VWC2: variants seen among roughly 807,000 people sequenced by gnomAD.
VWC2 encodes brorin.
In VWC2, 14 loss-of-function variants were observed where a neutral mutation model predicts 29.8. That is an observed-to-expected ratio of 0.47 (90% CI 0.31 to 0.74). VWC2 has a LOEUF of 0.74. Ranked by LOEUF, VWC2 falls within the 30% of genes least tolerant of loss-of-function variation. The pLI is 0.05. For missense variants in VWC2, 457 were observed against 459.8 expected (o/e 0.99, Z 0.05); for synonymous variants, 213 against 199.0 (o/e 1.07, Z -0.59).
chr7:49,795,002 T>A (rs1788552846), intron 2 of VWC2, among the ~76,000 whole-genome samples: 1 of 152,210 alleles, frequency 6.6e-6, no homozygotes, highest in African/African-American at 2.4e-5. Context: ...CTTCCATATA[T>A]TTATGTCTCA....
chr7:49,920,088 G>A lies in VWC2; in HGVS notation c.*7903G>A, dbSNP rs1793952437. The A allele has an allele frequency of 6.6e-6, 1 of 151,912 alleles. No homozygotes were observed. The highest frequency in any genetic ancestry group is 2.4e-5 in the African/African-American group (1 of 41,360). 9.4% of individuals were successfully genotyped at this position (151,912 alleles called of 1,614,324 possible). On this transcript the variant is annotated 3_prime_UTR_variant, in exon 4 of 4. Transcript: ENST00000340652. ...ACCTACATTTCAGAGGACAAATCAT[G>A]TTATTATAATAACCAGGAGAGAAAA...
At chr7:49,901,197 A>G (rs888449078) in intron 3 of VWC2, 1 of 151,972 alleles carries the variant, frequency 6.6e-6, no homozygotes, top group African/African-American at 2.4e-5. Context: ...TTTCAACATC[A>G]TAGTGGAAGT....
intron 3 of VWC2, among the ~76,000 whole-genome samples, chr7:49,895,387 T>A (rs1792333632): frequency 6.6e-6 from 1 of 152,174 alleles, no homozygotes. Context: ...AATATTCAGA[T>A]CACAGCATTG....
At chr7:49,902,245 G>A (rs1792792430) in intron 3 of VWC2, among the ~76,000 whole-genome samples, 1 of 151,458 alleles carries the variant, frequency 6.6e-6, no homozygotes, top group Non-Finnish European at 1.5e-5. Flanking sequence ...AAGAATGAAA[G>A]GCAAACCACA....
intron 3 of VWC2, among the ~76,000 whole-genome samples, chr7:49,853,728 A>G (rs560857103): frequency 6.6e-6 from 1 of 151,726 alleles, no homozygotes; most frequent in Non-Finnish European, 1.5e-5. Flanking sequence ...TTATTTTTTT[A>G]TTATACTTTA....
chr7:49,831,990 G>A lies in VWC2; in HGVS notation c.826+29150G>A, dbSNP rs758244315. Among the ~76,000 whole-genome samples the A allele has an allele frequency of 3.9e-4, 60 of 152,266 alleles. No homozygotes were observed. In the Middle Eastern group the frequency reaches 0.01, roughly 26 times the overall value. On this transcript the variant is annotated intron_variant, in intron 3 of 3. Coordinates refer to ENST00000340652, the MANE Select transcript of VWC2 (RefSeq NM_198570.5). ...GTAGACAGATAATATTTTCCCTGAGGCCAGCCTGTTCTCAGGAGGGGCATC... is the reference window on the plus strand; with the variant it reads ...GTAGACAGATAATATTTTCCCTGAGACCAGCCTGTTCTCAGGAGGGGCATC...
rs1788033329 is a variant in VWC2, at chr7:49,775,603, G to T, written c.168G>T (p.Pro56=). The T allele has an allele frequency of 2.6e-6, 4 of 1,533,654 alleles. No individual in the cohort carries two copies. Among genetic ancestry groups the T allele is most frequent in the East Asian group, 2.5e-5 (1 of 39,734 alleles). ...EKREHASRDG[P]GRVNELGRPA... ...GTGAGCACGCCTCTCGGGACGGCCC[G>T]GGGCGGGTGAACGAGCTCGGGCGCC... Residue 56 remains proline (P), a synonymous_variant, in exon 2 of 4, where the codon CCG becomes CCT. Coordinates refer to ENST00000340652, the MANE Select transcript of VWC2 (RefSeq NM_198570.5).
At chr7:49,788,904 G>A (rs1423786303) in intron 2 of VWC2, among the ~76,000 whole-genome samples, 3 of 149,716 alleles carry the variant, frequency 2.0e-5, no homozygotes, top group African/African-American at 4.9e-5. Flanking sequence ...GTGAGTGTGG[G>A]TGTGAGAGTG....
intron 3 of VWC2, among the ~76,000 whole-genome samples, chr7:49,905,687 C>A (rs1463166456): frequency 6.6e-6 from 1 of 152,090 alleles, no homozygotes; most frequent in Non-Finnish European, 1.5e-5. Context: ...TGAATAGGGG[C>A]TGGGTAAAAT....
chr7:49,856,363 A>G (rs1562734501), intron 3 of VWC2, among the ~76,000 whole-genome samples: 1 of 152,124 alleles, frequency 6.6e-6, no homozygotes, highest in Non-Finnish European at 1.5e-5. Flanking sequence ...CCCTCTTTCA[A>G]CGTGATATAC....
intron 3 of VWC2, among the ~76,000 whole-genome samples, chr7:49,901,520 G>A (rs188224338): frequency 3.5e-4 from 53 of 151,824 alleles, no homozygotes; most frequent in African/African-American, 1.2e-3. Flanking sequence ...AGATCTATAT[G>A]AGGAAAAATA....
intron 3 of VWC2, among the ~76,000 whole-genome samples, chr7:49,877,861 C>T (rs1466824375): frequency 2.0e-5 from 3 of 152,034 alleles, no homozygotes; most frequent in African/African-American, 7.2e-5. Flanking sequence ...TGTTAAGCAA[C>T]TGCCACTTTG....
At chr7:49,832,063 G>A (rs946819273) in intron 3 of VWC2, among the ~76,000 whole-genome samples, 8 of 152,296 alleles carry the variant, frequency 5.3e-5, no homozygotes, top group Middle Eastern at 3.4e-3. Flanking sequence ...CAAGCATTTT[G>A]TTCAGTTGAT....
intron 2 of VWC2, among the ~76,000 whole-genome samples, chr7:49,797,149 A>C (rs1349032980): frequency 6.6e-6 from 1 of 152,250 alleles, no homozygotes; most frequent in Non-Finnish European, 1.5e-5. Flanking sequence ...TAATATCTTT[A>C]TAAAGCCTCT....
chr7:49,863,134 A>G (rs1484521780), intron 3 of VWC2, among the ~76,000 whole-genome samples: 2 of 152,182 alleles, frequency 1.3e-5, no homozygotes, highest in Non-Finnish European at 1.5e-5. Flanking sequence ...TACTGATTCA[A>G]TATCTTCACT....
chr7:49,815,176 G>T (rs1036861511), intron 3 of VWC2, among the ~76,000 whole-genome samples: 2 of 152,160 alleles, frequency 1.3e-5, no homozygotes, highest in African/African-American at 4.8e-5. Context: ...TCAAGCAATG[G>T]TGCCTGCCTT....
Position 49,846,969 on chromosome 7 carries a change from T to G in VWC2, c.826+44129T>G, listed in dbSNP as rs10258934. On this transcript the variant is annotated intron_variant, in intron 3 of 3. Coordinates refer to ENST00000340652, the MANE Select transcript of VWC2 (RefSeq NM_198570.5). ...TTGACAGATTGCATATGTGAATTAT[T>G]CAGTGTGAGGCTGTAAATTTCCTAC... Among the ~76,000 whole-genome samples, 753 of 152,326 alleles carry G rather than the reference T, an allele frequency of 4.9e-3. 7 individuals carry two copies. Among genetic ancestry groups the G allele is most frequent in the African/African-American group, 0.017 (715 of 41,574 alleles).
intron 3 of VWC2, among the ~76,000 whole-genome samples, chr7:49,824,591 C>T (rs1276404899): frequency 6.6e-6 from 1 of 151,988 alleles, no homozygotes; most frequent in African/African-American, 2.4e-5. Flanking sequence ...CTACAAAAAC[C>T]CTGTTTTGAT....
intron 3 of VWC2, among the ~76,000 whole-genome samples, chr7:49,894,393 A>G (rs13221090): frequency 0.48 from 73,322 of 152,090 alleles, 18,032 homozygotes; most frequent in South Asian, 0.57. Flanking sequence ...TCGGCCTCCC[A>G]AAGTGTTATG....
Sources: allele counts gnomAD v4.1 joint callset (sites outside exome capture counted in the v4.1 genomes callset), GRCh38; gene constraint gnomAD v4.1.1; transcripts MANE v1.5; gene names NCBI Gene and HGNC (gene_info 2026-07-23, HGNC 2026-07-21).